WWP1: variants seen among roughly 807,000 people sequenced by gnomAD.
The protein encoded by WWP1 is NEDD4-like E3 ubiquitin-protein ligase WWP1.
A neutral mutation model predicts 130.6 loss-of-function variants in WWP1; 49 were observed. The observed-to-expected ratio is 0.38, with a 90% CI of 0.30 to 0.48. The LOEUF (loss-of-function observed/expected upper bound fraction) is 0.48. WWP1 is among the 20% of genes least tolerant of loss of function. WWP1 has a pLI of 0.99. For synonymous variants in WWP1, 332 were observed against 367.8 expected, an observed-to-expected ratio of 0.90 and a Z score of 1.11; for missense variants, 809 against 1,100.6, an observed-to-expected ratio of 0.74 and a Z score of 3.75.
At chr8:86,435,847 C>G (rs1810258408) in intron 16 of WWP1, 143 bp downstream of exon 16, 4 of 763,464 alleles carry the variant, frequency 5.2e-6, no homozygotes, top group Non-Finnish European at 8.3e-6. Context: ...TGTTGAGTGC[C>G]TTTGTTTTGT....
chr8:86,431,550 C>T (rs1318311482), intron 13 of WWP1, 60 bp downstream of exon 13: 1 of 1,611,518 alleles, frequency 6.2e-7, no homozygotes, highest in Non-Finnish European at 8.5e-7. Context: ...AACCAACCAA[C>T]CTTGAATGAG....
intron 10 of WWP1, among the ~76,000 whole-genome samples, chr8:86,426,211 A>G (rs1809617877): frequency 6.6e-6 from 1 of 152,222 alleles, no homozygotes. Flanking sequence ...AAGATCATCA[A>G]GTTATAGTCA....
intron 22 of WWP1, among the ~76,000 whole-genome samples, 196 bp downstream of exon 22, chr8:86,458,221 A>G (rs1346297923): frequency 2.0e-5 from 3 of 152,190 alleles, no homozygotes; most frequent in Admixed American, 1.3e-4. Flanking sequence ...GTCTTGCTGA[A>G]ATGAAGGAGT....
intron 9 of WWP1, among the ~76,000 whole-genome samples, chr8:86,419,536 T>C (rs936353719): frequency 1.3e-5 from 2 of 152,208 alleles, no homozygotes; most frequent in Admixed American, 1.3e-4. Flanking sequence ...TAAAAAACTC[T>C]TGGAAATTTA....
At chr8:86,418,006 A>G (rs1808985413) in intron 9 of WWP1, among the ~76,000 whole-genome samples, 1 of 152,214 alleles carries the variant, frequency 6.6e-6, no homozygotes, top group Non-Finnish European at 1.5e-5. Flanking sequence ...GAGACAAGAT[A>G]AAAGTGGATG....
intron 20 of WWP1, among the ~76,000 whole-genome samples, chr8:86,450,353 C>T (rs897828080): frequency 1.3e-5 from 2 of 151,978 alleles, no homozygotes; most frequent in Non-Finnish European, 2.9e-5. Flanking sequence ...ATTTATTACG[C>T]TAGTTGGAAA....
chr8:86,430,774 C>G (rs764386086), intron 12 of WWP1, 23 bp downstream of exon 12: 2 of 1,415,494 alleles, frequency 1.4e-6, no homozygotes, highest in Non-Finnish European at 1.9e-6. Context: ...TGCTAATGAT[C>G]TATAAGGGAG....
Position 86,370,855 on chromosome 8 carries a change from C to CTTTTTTTTTTTTTTTTT in WWP1, c.-22+1836_-22+1852dup, listed in dbSNP as rs555585296. Among the ~76,000 whole-genome samples the CTTTTTTTTTTTTTTTTT allele has an allele frequency of 1.8e-4, 8 of 44,862 alleles. 1 individual carries two copies. Among genetic ancestry groups the CTTTTTTTTTTTTTTTTT allele is most frequent in the Non-Finnish European group, 2.3e-4 (6 of 26,204 alleles). 29.4% of individuals were successfully genotyped at this position (44,862 alleles called of 152,430 possible). Reference sequence around the variant, plus strand: ...GGTATTGCTTATAGCTATATTCATTCTTTTTTTTTTTTTTTTTTTTTTTTT... The same window carrying CTTTTTTTTTTTTTTTTT: ...GGTATTGCTTATAGCTATATTCATTCTTTTTTTTTTTTTTTTTTTTTTTTTTTTTTTTTTTTTTTTTT... On this transcript the variant is annotated intron_variant, in intron 2 of 24. Coordinates refer to ENST00000517970, the MANE Select transcript of WWP1 (RefSeq NM_007013.4).
At chr8:86,424,053 C>T (rs540209085) in intron 9 of WWP1, among the ~76,000 whole-genome samples, 87 of 148,362 alleles carry the variant, frequency 5.9e-4, no homozygotes, top group Middle Eastern at 3.5e-3. Flanking sequence ...CCAGACGGGG[C>T]GGCTGCCGGG....
intron 1 of WWP1, among the ~76,000 whole-genome samples, chr8:86,366,242 A>G (rs1366545542): frequency 6.6e-6 from 1 of 152,186 alleles, no homozygotes; most frequent in Non-Finnish European, 1.5e-5. Context: ...CATATGAGCT[A>G]GTGAATGGAA....
intron 1 of WWP1, among the ~76,000 whole-genome samples, chr8:86,350,451 C>T (rs1822848324): frequency 6.6e-6 from 1 of 151,824 alleles, no homozygotes; most frequent in African/African-American, 2.4e-5. Flanking sequence ...ATTTCATGTA[C>T]ACTAAAAAAC....
chr8:86,387,208 G>T (rs1373742821), intron 5 of WWP1, among the ~76,000 whole-genome samples: 2 of 151,998 alleles, frequency 1.3e-5, no homozygotes, highest in Non-Finnish European at 2.9e-5. Flanking sequence ...TATATTAAAT[G>T]ACCCTTATTT....
chr8:86,423,275 G>T (rs959889286), intron 9 of WWP1, among the ~76,000 whole-genome samples: 1 of 151,654 alleles, frequency 6.6e-6, no homozygotes, highest in East Asian at 1.9e-4. Flanking sequence ...CTCCCAGAGG[G>T]GGATTTGGCA....
At chr8:86,452,816 A>G (rs1811245735) in intron 21 of WWP1, 137 bp downstream of exon 21, 1 of 1,118,758 alleles carries the variant, frequency 8.9e-7, no homozygotes, top group Non-Finnish European at 1.3e-6. Context: ...CCTGATGTCA[A>G]GGTGGTATTT....
chr8:86,417,577 G>A (rs1314061581), intron 9 of WWP1, among the ~76,000 whole-genome samples: 4 of 152,174 alleles, frequency 2.6e-5, no homozygotes, highest in Non-Finnish European at 5.9e-5. Context: ...TGCTTGGAAC[G>A]TAAGTGCTTA....
intron 5 of WWP1, among the ~76,000 whole-genome samples, chr8:86,394,381 C>T (rs1241258839): frequency 1.3e-5 from 2 of 152,200 alleles, no homozygotes; most frequent in Non-Finnish European, 2.9e-5. Context: ...ACAGGACTAC[C>T]TTAATCACTT....
At chr8:86,411,322 T>C (rs952253257) in intron 8 of WWP1, among the ~76,000 whole-genome samples, 3 of 152,296 alleles carry the variant, frequency 2.0e-5, no homozygotes, top group South Asian at 2.1e-4. Context: ...ATTTTTATCA[T>C]TTACATATTC....
chr8:86,385,829 A>C (rs1468561318), intron 5 of WWP1, among the ~76,000 whole-genome samples: 1 of 152,204 alleles, frequency 6.6e-6, no homozygotes, highest in Non-Finnish European at 1.5e-5. Flanking sequence ...TGCTTATTCA[A>C]GTGAAATCTT....
intron 7 of WWP1, among the ~76,000 whole-genome samples, chr8:86,400,790 G>A (rs1332202855): frequency 6.6e-6 from 1 of 152,198 alleles, no homozygotes; most frequent in Non-Finnish European, 1.5e-5. Context: ...GAGCAAGGAT[G>A]AGCTTGGAGA....
Sources: gnomAD v4.1 joint callset for allele counts (sites outside exome capture counted in the v4.1 genomes callset) on GRCh38, gnomAD v4.1.1 for gene constraint, MANE v1.5 for transcripts, NCBI Gene and HGNC (gene_info 2026-07-23, HGNC 2026-07-21) for gene names.